FMN1: variants seen among roughly 807,000 people sequenced by gnomAD.
FMN1 encodes the protein formin 1.
FMN1 carries 110 observed loss-of-function variants against 132.4 expected under a neutral mutation model. That is an observed-to-expected ratio of 0.83 (90% confidence interval 0.71 to 0.97). The LOEUF is 0.97. FMN1 is among the 50% of genes least tolerant of loss of function. The pLI is 0.00. For missense variants in FMN1, 1,792 were observed against 1,705.3 expected (o/e 1.05, Z -0.90); for synonymous variants, 722 against 651.7 (o/e 1.11, Z -1.64).
At chr15:33,091,628 G>A (rs961559551) in intron 4 of FMN1, among the ~76,000 whole-genome samples, 3 of 152,158 alleles carry the variant, frequency 2.0e-5, no homozygotes, top group Non-Finnish European at 4.4e-5. Flanking sequence ...TGACAAAGTA[G>A]GTTAGGACAA....
chr15:32,994,673 A>G (rs1342874636), intron 7 of FMN1, among the ~76,000 whole-genome samples: 2 of 152,186 alleles, frequency 1.3e-5, no homozygotes, highest in South Asian at 2.1e-4. Flanking sequence ...GAAGCACTCA[A>G]TCAATACATA....
intron 4 of FMN1, among the ~76,000 whole-genome samples, chr15:33,091,192 TTGTC>T (rs1401576158): frequency 1.8e-4 from 27 of 152,342 alleles, no homozygotes; most frequent in African/African-American, 5.3e-4. Flanking sequence ...CAGAGGCACA[TTGTC>T]TGGTGAGTGT....
intron 6 of FMN1, among the ~76,000 whole-genome samples, chr15:33,018,992 T>C (rs955922620): frequency 6.6e-6 from 1 of 152,084 alleles, no homozygotes; most frequent in Non-Finnish European, 1.5e-5. Context: ...AGCAGCAAGA[T>C]TTATTGCAGA....
chr15:32,936,709 AAAGG>A (rs923347392), intron 9 of FMN1, among the ~76,000 whole-genome samples: 24 of 151,970 alleles, frequency 1.6e-4, no homozygotes, highest in African/African-American at 2.4e-5. Context: ...AGAAAGAAGG[AAAGG>A]AAGGAAGGAG....
At chr15:32,806,274 C>A (rs1386717626) in intron 17 of FMN1, among the ~76,000 whole-genome samples, 1 of 152,100 alleles carries the variant, frequency 6.6e-6, no homozygotes, top group African/African-American at 2.4e-5. Flanking sequence ...TTTATTAAAC[C>A]TGGCCCTACC....
chr15:32,983,068 C>T (rs7167407), intron 7 of FMN1, among the ~76,000 whole-genome samples: 45,839 of 151,980 alleles, frequency 0.3, 8,195 homozygotes, highest in African/African-American at 0.5. Flanking sequence ...TATGTTTCTC[C>T]GGAAAACCCT....
rs758006709 is a variant in FMN1, at chr15:33,067,827, C to G, written c.2044-2753G>C. On this transcript the variant is annotated intron_variant, in intron 5 of 20. Coordinates refer to ENST00000616417, the MANE Select transcript of FMN1 (RefSeq NM_001277313.2). ...GACTGAGCCACTTCAAGTCCGGCTT[C>G]TGGTTTTGCTGGTTCTGACACATCA... 18 of 1,613,946 alleles carry G rather than the reference C, an allele frequency of 1.1e-5. No homozygotes were observed. In the South Asian group the frequency reaches 1.9e-4, roughly 17 times the overall value.
intron 16 of FMN1, among the ~76,000 whole-genome samples, chr15:32,867,794 A>G (rs563739147): frequency 1.3e-5 from 2 of 152,292 alleles, no homozygotes; most frequent in African/African-American, 4.8e-5. Flanking sequence ...CCCGGCCATC[A>G]GGATTTCTTT....
chr15:32,936,857 C>T (rs1183315421), intron 9 of FMN1, among the ~76,000 whole-genome samples: 1 of 152,102 alleles, frequency 6.6e-6, no homozygotes. Context: ...CTCTTCTTTC[C>T]CCTGCAGTCC....
chr15:32,988,890 G>C (rs187615468), intron 7 of FMN1, among the ~76,000 whole-genome samples: 1 of 152,202 alleles, frequency 6.6e-6, no homozygotes, highest in Non-Finnish European at 1.5e-5. Flanking sequence ...GTAAGTCTAT[G>C]TTGCTTCCAC....
chr15:33,094,397 C>G (rs564698604), intron 4 of FMN1, among the ~76,000 whole-genome samples: 9 of 152,184 alleles, frequency 5.9e-5, no homozygotes, highest in South Asian at 2.1e-4. Context: ...CAACATCACA[C>G]AGTCATGTGA....
intron 16 of FMN1, among the ~76,000 whole-genome samples, chr15:32,858,820 A>G (rs1043535374): frequency 9.8e-5 from 15 of 152,294 alleles, no homozygotes; most frequent in African/African-American, 3.4e-4. Flanking sequence ...CCTCTCTACA[A>G]TAACTACTTT....
At chr15:32,858,353 C>G (rs1437716339) in intron 16 of FMN1, among the ~76,000 whole-genome samples, 2 of 152,050 alleles carry the variant, frequency 1.3e-5, no homozygotes, top group Non-Finnish European at 2.9e-5. Context: ...GCAATATTGC[C>G]AACTAGATTG....
In FMN1 at chr15:32,963,456, T is replaced by A. The variant is rs2030829875; in HGVS notation, c.3138+651A>T. 2.0e-5 allele frequency among the ~76,000 whole-genome samples: 3 copies of A among 151,806 alleles called. No homozygotes were observed. The South Asian group carries it at 6.2e-4, about 31-fold the overall frequency. On this transcript the variant is annotated intron_variant, in intron 9 of 20. Coordinates refer to ENST00000616417, the MANE Select transcript of FMN1 (RefSeq NM_001277313.2). ...CACATGTATACATATGTAACTAACC[T>A]GCACATTGTGCACATGTACCCTAAA...
intron 15 of FMN1, among the ~76,000 whole-genome samples, chr15:32,898,306 CAAG>C (rs10561761): frequency 0.19 from 29,360 of 152,084 alleles, 2,970 homozygotes; most frequent in South Asian, 0.23. Flanking sequence ...CTCAATTTAA[CAAG>C]AAGGAATAAA....
chr15:32,907,061 G>T (rs911768903), intron 12 of FMN1, among the ~76,000 whole-genome samples: 9 of 152,178 alleles, frequency 5.9e-5, no homozygotes, highest in Admixed American at 5.2e-4. Flanking sequence ...TTCTAGAGCA[G>T]CTGTGCCCAA....
chr15:33,031,962 G>A (rs2035956632), intron 6 of FMN1, among the ~76,000 whole-genome samples: 3 of 127,634 alleles, frequency 2.4e-5, no homozygotes, highest in African/African-American at 8.9e-5. Context: ...CATGAAACCC[G>A]ATGTTGTCTA....
intron 16 of FMN1, among the ~76,000 whole-genome samples, chr15:32,875,882 G>A (rs796876882): frequency 6.6e-5 from 10 of 152,156 alleles, no homozygotes; most frequent in African/African-American, 1.9e-4. Flanking sequence ...TAGCTTGGGC[G>A]CTGGCTTGGC....
intron 6 of FMN1, among the ~76,000 whole-genome samples, chr15:33,035,086 G>C (rs965795984): frequency 2.6e-5 from 4 of 152,152 alleles, no homozygotes; most frequent in African/African-American, 9.7e-5. Context: ...AGGTTACAGA[G>C]AGAACCAATT....
Sources: gnomAD v4.1 joint callset for allele counts (sites outside exome capture counted in the v4.1 genomes callset) on GRCh38, gnomAD v4.1.1 for gene constraint, MANE v1.5 for transcripts, NCBI Gene and HGNC (gene_info 2026-07-23, HGNC 2026-07-21) for gene names.